Variants in CEP128 observed in about 807,000 individuals in gnomAD.
CEP128 encodes the protein centrosomal protein 128kDa.
In CEP128, 132 loss-of-function variants were observed where a neutral mutation model predicts 156.7. The observed-to-expected ratio is 0.84, with a 90% CI of 0.73 to 0.97. The LOEUF is 0.97. CEP128 is among the 50% of genes least tolerant of loss of function. CEP128 has a pLI of 0.00. For missense variants in CEP128, 1,252 were observed against 1,281.9 expected (o/e 0.98, Z 0.36); for synonymous variants, 469 against 448.9 (o/e 1.04, Z -0.57).
At chr14:80,642,856 G>A (rs1403383581) in intron 19 of CEP128, among the ~76,000 whole-genome samples, 2 of 151,802 alleles carry the variant, frequency 1.3e-5, no homozygotes, top group Non-Finnish European at 2.9e-5. Flanking sequence ...CCCAGTTCAG[G>A]CAATTCTCCT....
chr14:80,608,940 T>C (rs568423424), intron 19 of CEP128, among the ~76,000 whole-genome samples: 1 of 152,296 alleles, frequency 6.6e-6, no homozygotes, highest in African/African-American at 2.4e-5. Context: ...TTTGCACTTA[T>C]TCAACACAGT....
At chr14:80,761,008 G>A (rs1007773360) in intron 17 of CEP128, among the ~76,000 whole-genome samples, 2 of 152,000 alleles carry the variant, frequency 1.3e-5, no homozygotes, top group Admixed American at 1.3e-4. Flanking sequence ...TTTAATCAGA[G>A]TAACTAAAAG....
At chr14:80,665,867 C>T (rs1895591148) in intron 19 of CEP128, among the ~76,000 whole-genome samples, 1 of 151,916 alleles carries the variant, frequency 6.6e-6, no homozygotes, top group Non-Finnish European at 1.5e-5. Context: ...TACACCAGCA[C>T]TAGAAACCAG....
rs900123442 is a variant in CEP128 at position 80,767,687 on chromosome 14, G to C, written c.2377-6074C>G. Among the ~76,000 whole-genome samples, 69 of 152,224 alleles carry C rather than the reference G, an allele frequency of 4.5e-4. 1 individual carries two copies. Among genetic ancestry groups the C allele is most frequent in the African/African-American group, 1.6e-3 (67 of 41,546 alleles). On this transcript the variant is annotated intron_variant, in intron 16 of 24. Coordinates refer to ENST00000555265, the MANE Select transcript of CEP128 (RefSeq NM_152446.5). The stretch of plus-strand genomic sequence containing the variant: ...CCTGAGTTCTTGCACAGGAATATTA[G>C]GTGCCCCTTCTCTGTGCTACCACAA...
At chr14:80,632,656 G>A (rs1408337785) in intron 19 of CEP128, among the ~76,000 whole-genome samples, 2 of 151,584 alleles carry the variant, frequency 1.3e-5, no homozygotes, top group East Asian at 3.9e-4. Context: ...ATATATCCTA[G>A]TTTTTCTATT....
At chr14:80,922,001 A>G (rs1566717411) in intron 2 of CEP128, among the ~76,000 whole-genome samples, 1 of 152,128 alleles carries the variant, frequency 6.6e-6, no homozygotes, top group Non-Finnish European at 1.5e-5. Flanking sequence ...AATTTTCTAC[A>G]ATGATTTGCA....
intron 9 of CEP128, among the ~76,000 whole-genome samples, chr14:80,855,948 G>A (rs932539612): frequency 6.6e-6 from 1 of 152,128 alleles, no homozygotes; most frequent in Non-Finnish European, 1.5e-5. Context: ...CTTTTCTTAT[G>A]TGGTATCTGT....
Position 80,596,819 on chromosome 14 carries a change from C to CAAAAAAAAAAAA in CEP128, c.2807-16408_2807-16397dup, listed in dbSNP as rs57402112. On this transcript the variant is annotated intron_variant, in intron 19 of 24. Coordinates refer to ENST00000555265, the MANE Select transcript of CEP128 (RefSeq NM_152446.5). ...TCTGAGTAACAGTGAGACACTGTCA[C>CAAAAAAAAAAAA]AAAAAAAAAAAAAAAAAAAAAAAGG... Among the ~76,000 whole-genome samples the CAAAAAAAAAAAA allele has an allele frequency of 1.1e-3, 15 of 14,050 alleles. 5 individuals carry two copies. Among genetic ancestry groups the CAAAAAAAAAAAA allele is most frequent in the African/African-American group, 3.5e-3 (8 of 2,272 alleles). The allele number at this position is 14,050 out of a possible 152,430, so 9.2% of individuals were successfully genotyped here. A position where few individuals can be genotyped will look rare whatever the true frequency, so the allele number is the denominator to read the frequency against.
intron 10 of CEP128, 75 bp downstream of exon 10, chr14:80,840,607 C>A: frequency 1.1e-6 from 1 of 901,898 alleles, no homozygotes; most frequent in Non-Finnish European, 1.8e-6. Context: ...CCTGGGGACA[C>A]TTTTCAAGGC....
chr14:80,789,825 TTAAC>T (rs1901610350), intron 14 of CEP128, among the ~76,000 whole-genome samples: 1 of 152,134 alleles, frequency 6.6e-6, no homozygotes, highest in East Asian at 1.9e-4. Context: ...TTTTTTTTTT[TTAAC>T]TAACTAAAAG....
intron 13 of CEP128, among the ~76,000 whole-genome samples, chr14:80,810,472 G>C (rs1795731180): frequency 6.6e-6 from 1 of 151,822 alleles, no homozygotes; most frequent in African/African-American, 2.4e-5. Flanking sequence ...TGACTGAATG[G>C]ATTTTTAAAA....
chr14:80,720,352 T>C (rs1193824345), intron 19 of CEP128, among the ~76,000 whole-genome samples: 1 of 151,952 alleles, frequency 6.6e-6, no homozygotes, highest in Non-Finnish European at 1.5e-5. Context: ...AGTAGTTGAG[T>C]GTCACAAAAT....
At chr14:80,888,361 C>T (rs1458950321) in intron 8 of CEP128, among the ~76,000 whole-genome samples, 3 of 152,168 alleles carry the variant, frequency 2.0e-5, no homozygotes, top group Non-Finnish European at 2.9e-5. Flanking sequence ...CCCTGATGAA[C>T]GTTGATGCGA....
At chr14:80,777,593 A>T (rs1227510062) in intron 16 of CEP128, among the ~76,000 whole-genome samples, 1 of 152,252 alleles carries the variant, frequency 6.6e-6, no homozygotes, top group African/African-American at 2.4e-5. Flanking sequence ...GACTTATAGT[A>T]GATCCTCAAT....
chr14:80,489,832 C>A (rs1381517688), downstream of CEP128, among the ~76,000 whole-genome samples: 1 of 151,578 alleles, frequency 6.6e-6, no homozygotes. Context: ...CTTACCACCT[C>A]CTGACCAGGG....
chr14:80,722,367 G>C (rs1022019932), intron 19 of CEP128, among the ~76,000 whole-genome samples: 2 of 152,004 alleles, frequency 1.3e-5, no homozygotes, highest in Non-Finnish European at 2.9e-5. Context: ...CCAGAGACTG[G>C]CTAAATATTG....
At chr14:80,831,544 T>A (rs183487930) in intron 12 of CEP128, among the ~76,000 whole-genome samples, 196 of 152,006 alleles carry the variant, frequency 1.3e-3, no homozygotes, top group Non-Finnish European at 2.4e-3. Context: ...TCTACTGCAA[T>A]TTATTTCAAG....
chr14:80,625,278 C>T (rs1298625503), intron 19 of CEP128, among the ~76,000 whole-genome samples: 3 of 151,974 alleles, frequency 2.0e-5, no homozygotes, highest in South Asian at 4.1e-4. Context: ...AATTCATTTC[C>T]GGTTCTCTAT....
chr14:80,679,123 C>G (rs545245668), intron 19 of CEP128, among the ~76,000 whole-genome samples: 1 of 152,260 alleles, frequency 6.6e-6, no homozygotes, highest in African/African-American at 2.4e-5. Flanking sequence ...TATGTCACCT[C>G]AGGACCACTG....
Sources: allele counts gnomAD v4.1 joint callset (sites outside exome capture counted in the v4.1 genomes callset), GRCh38; gene constraint gnomAD v4.1.1; transcripts MANE v1.5; gene names NCBI Gene and HGNC (gene_info 2026-07-23, HGNC 2026-07-21).